The following ZBTB44 variants were observed in gnomAD, a reference collection of about 807,000 sequenced individuals.
ZBTB44 encodes zinc finger and BTB domain containing 44.
Under a neutral mutation model 54.0 loss-of-function variants are expected in ZBTB44, and 15 were observed. The observed-to-expected ratio is 0.28, with a 90% CI of 0.19 to 0.43. The LOEUF (loss-of-function observed/expected upper bound fraction) is 0.43, where lower values mean the gene tolerates loss of function less well. Ranked by LOEUF, ZBTB44 falls within the 20% of genes least tolerant of loss-of-function variation. The pLI is 1.00. For synonymous variants in ZBTB44, 230 were observed against 250.1 expected, an observed-to-expected ratio of 0.92 and a Z score of 0.76; for missense variants, 487 against 707.1, an observed-to-expected ratio of 0.69 and a Z score of 3.53.
chr11:130,307,101 T>C (rs1022966691), intron 1 of ZBTB44, among the ~76,000 whole-genome samples: 3 of 150,216 alleles, frequency 2.0e-5, no homozygotes, highest in African/African-American at 4.9e-5. Flanking sequence ...GTTGAATACC[T>C]GAATAGCCAT....
At chr11:130,307,714 A>G (rs1350705461) in intron 1 of ZBTB44, among the ~76,000 whole-genome samples, 1 of 152,170 alleles carries the variant, frequency 6.6e-6, no homozygotes, top group Non-Finnish European at 1.5e-5. Context: ...GCTGGAGGGC[A>G]GTGGTGCAAT....
intron 1 of ZBTB44, among the ~76,000 whole-genome samples, chr11:130,271,104 AGAGT>A (rs1216757332): frequency 1.3e-5 from 2 of 152,218 alleles, no homozygotes; most frequent in Non-Finnish European, 2.9e-5. Flanking sequence ...AACATACAAC[AGAGT>A]GAAATATATG....
Position 130,280,744 on chromosome 11 carries a change from T to C in ZBTB44, c.-56-18815A>G, listed in dbSNP as rs149303025. Among the ~76,000 whole-genome samples the C allele has an allele frequency of 1.3e-3, 200 of 152,378 alleles. 1 individual carries two copies. Among genetic ancestry groups the C allele is most frequent in the African/African-American group, 4.6e-3 (191 of 41,594 alleles). On this transcript the variant is annotated intron_variant, in intron 1 of 7. Coordinates refer to ENST00000357899, the MANE Select transcript of ZBTB44 (RefSeq NM_001301098.2). ...CTTTACGTTGACTTGTTCCTGTCAT[T>C]GATTAGTTCTAGCACGCTTTTTGTA...
chr11:130,292,730 G>T (rs549519788), intron 1 of ZBTB44, among the ~76,000 whole-genome samples: 1 of 152,276 alleles, frequency 6.6e-6, no homozygotes, highest in African/African-American at 2.4e-5. Flanking sequence ...CAGGAAACCT[G>T]TTAAAACAAT....
intron 5 of ZBTB44, chr11:130,236,318 C>A: frequency 8.7e-7 from 1 of 1,145,110 alleles, no homozygotes; most frequent in Non-Finnish European, 1.1e-6. Flanking sequence ...ACCATCACAC[C>A]CACTATAGTT....
chr11:130,281,433 T>C (rs1164962100), intron 1 of ZBTB44, among the ~76,000 whole-genome samples: 1 of 151,960 alleles, frequency 6.6e-6, no homozygotes, highest in Non-Finnish European at 1.5e-5. Context: ...GGTGGGAGGA[T>C]GGCTTGAGCC....
chr11:130,305,075 A>G (rs1383309463), intron 1 of ZBTB44, among the ~76,000 whole-genome samples: 5 of 152,226 alleles, frequency 3.3e-5, no homozygotes, highest in African/African-American at 1.2e-4. Flanking sequence ...CTCTACAAGG[A>G]AGACTACAAA....
chr11:130,268,425 T>C (rs757753395), intron 1 of ZBTB44, among the ~76,000 whole-genome samples: 7 of 152,130 alleles, frequency 4.6e-5, no homozygotes, highest in African/African-American at 9.7e-5. Context: ...CTCAGATAAT[T>C]GCTAGAATTT....
At position 130,237,002 on chromosome 11, in the gene ZBTB44, G is replaced by A; in HGVS notation, c.1359C>T (p.Arg453=). ...CACTACATATCTGGCACCGGAAACA[G>A]CGTTTACCTTCATGCTTTAGGCGAT... is the stretch of plus-strand genomic sequence containing the variant. ...KMHRLKHEGK[R]CFRCQICSAT... Residue 453 remains arginine, a synonymous_variant, in exon 5 of 8, where the codon CGC becomes CGT. Coordinates refer to ENST00000357899, the MANE Select transcript of ZBTB44 (RefSeq NM_001301098.2). 1 of 1,612,598 alleles carries A rather than the reference G, an allele frequency of 6.2e-7. No homozygotes were observed. Among genetic ancestry groups the A allele is most frequent in the Non-Finnish European group, 8.5e-7 (1 of 1,179,320 alleles).
Position 130,314,631 on chromosome 11 carries a change from A to C in ZBTB44, c.-313T>G, listed in dbSNP as rs957224456. The C allele has an allele frequency of 6.6e-6, 1 of 151,758 alleles. No homozygotes were observed. The highest frequency in any genetic ancestry group is 2.4e-5 in the African/African-American group (1 of 41,292). 9.4% of individuals were successfully genotyped at this position (151,758 alleles called of 1,614,324 possible). ...GGGAGTGCGAGGAGGCGGGGAGGGAAGCACCCCCAGCGCTCGGAGGGGCCA... is the reference window on the plus strand; with the variant it reads ...GGGAGTGCGAGGAGGCGGGGAGGGACGCACCCCCAGCGCTCGGAGGGGCCA... On this transcript the variant is annotated 5_prime_UTR_variant, in exon 1 of 8. Coordinates refer to ENST00000357899, the MANE Select transcript of ZBTB44 (RefSeq NM_001301098.2).
chr11:130,312,277 G>A (rs1012888014), intron 1 of ZBTB44, among the ~76,000 whole-genome samples: 2 of 152,126 alleles, frequency 1.3e-5, no homozygotes, highest in Non-Finnish European at 1.5e-5. Flanking sequence ...TTTACCCCAA[G>A]ATTACATATT....
At chr11:130,303,982 A>G (rs988104316) in intron 1 of ZBTB44, among the ~76,000 whole-genome samples, 4 of 152,212 alleles carry the variant, frequency 2.6e-5, no homozygotes, top group African/African-American at 9.7e-5. Flanking sequence ...GTGCCAGCCA[A>G]TATCAACATT....
intron 2 of ZBTB44, among the ~76,000 whole-genome samples, chr11:130,248,616 G>A (rs1937731227): frequency 6.6e-6 from 1 of 151,916 alleles, no homozygotes; most frequent in Admixed American, 6.6e-5. Flanking sequence ...ACTCCAGCCT[G>A]AGCAACAGGG....
At position 130,235,976 on chromosome 11, in the gene ZBTB44, A is replaced by G. The variant is rs527377704; in HGVS notation, c.1568+817T>C. The G allele has an allele frequency of 5.0e-3, 4,457 of 892,868 alleles. 26 individuals are homozygous for G. The highest frequency in any genetic ancestry group is 0.02 in the African/African-American group (1,107 of 56,220). The allele number at this position is 892,868 out of a possible 1,614,324, so 55.3% of individuals were successfully genotyped here. On this transcript the variant is annotated intron_variant, in intron 5 of 7. Transcript: ENST00000357899. ...CAGTGAGACTCCATCTCAAAAAAAA[A>G]AAAAAGAAAGATTTGTAAAAATTTC...
chr11:130,296,111 C>CA lies in ZBTB44; in HGVS notation c.-57+18263dup. On this transcript the variant is annotated intron_variant, in intron 1 of 7. Coordinates refer to ENST00000357899, the MANE Select transcript of ZBTB44 (RefSeq NM_001301098.2). ...TTAAAGCAAATTATTAAACTTTTGCCAACATGTAGACAGACTATGCTCTTT... is the reference window on the plus strand; with the variant it reads ...TTAAAGCAAATTATTAAACTTTTGCCAAACATGTAGACAGACTATGCTCTTT... The CA allele has an allele frequency of 2.6e-6, 4 of 1,546,600 alleles. No individual in the cohort carries two copies. The South Asian group carries it at 4.5e-5, about 17-fold the overall frequency.
intron 2 of ZBTB44, 109 bp from the exon 3 acceptor site, chr11:130,240,005 C>A: frequency 8.7e-5 from 53 of 612,690 alleles, no homozygotes; most frequent in Middle Eastern, 2.8e-4. Flanking sequence ...ATCTAGTGTT[C>A]ATATCCTGAA....
At chr11:130,244,138 C>T (rs187047132) in intron 2 of ZBTB44, among the ~76,000 whole-genome samples, 1 of 152,286 alleles carries the variant, frequency 6.6e-6, no homozygotes, top group African/African-American at 2.4e-5. Flanking sequence ...TTTAACCTTG[C>T]AGTTCCTTGG....
At position 130,230,376 on chromosome 11, in the gene ZBTB44, T is replaced by A. The variant is rs1953830667; in HGVS notation, c.*1388A>T. 6.6e-6 allele frequency: 1 copy of A among 151,160 alleles called. No individual in the cohort carries two copies. The highest frequency in any genetic ancestry group is 1.5e-5 in the Non-Finnish European group (1 of 67,680). 9.4% of individuals were successfully genotyped at this position (151,160 alleles called of 1,614,324 possible). On this transcript the variant is annotated 3_prime_UTR_variant, in exon 8 of 8. Transcript: ENST00000357899. ...TATGGACATCAGATGTATTGACTAG[T>A]CTATTTCATTTGGCAAAGTATTTTA...
At chr11:130,257,238 TAAAAAA>T (rs572669481) in intron 2 of ZBTB44, among the ~76,000 whole-genome samples, 3 of 109,342 alleles carry the variant, frequency 2.7e-5, no homozygotes, top group African/African-American at 9.5e-5. Context: ...TCCCAGATCT[TAAAAAA>T]AAAAAAAAAA....
Sources: allele counts gnomAD v4.1 joint callset (sites outside exome capture counted in the v4.1 genomes callset), GRCh38; gene constraint gnomAD v4.1.1; transcripts MANE v1.5; gene names NCBI Gene and HGNC (gene_info 2026-07-23, HGNC 2026-07-21).